The following USP6 variants were observed in gnomAD, a reference collection of about 807,000 sequenced individuals.
The protein encoded by USP6 is ubiquitin specific peptidase 6, also known as ubiquitin carboxyl-terminal hydrolase 6.
Under a neutral mutation model 175.7 loss-of-function variants are expected in USP6, and 128 were observed. The observed-to-expected ratio is 0.73, with a 90% CI of 0.63 to 0.84. The LOEUF is 0.84. Ranked by LOEUF, USP6 falls within the 40% of genes least tolerant of loss-of-function variation. The probability of loss-of-function intolerance (pLI) is 0.00; values close to 1 mark genes in which losing one functional copy is unlikely to be tolerated. For missense variants in USP6, 1,498 were observed against 1,760.3 expected (o/e 0.85, Z 2.67); for synonymous variants, 562 against 630.6 (o/e 0.89, Z 1.63).
Position 5,142,410 on chromosome 17 carries a change from G to T in USP6, c.1726G>T (p.Gly576Cys). 1 of 1,613,334 alleles carries T rather than the reference G, an allele frequency of 6.2e-7. No homozygotes were observed. Among genetic ancestry groups the T allele is most frequent in the South Asian group, 1.1e-5 (1 of 90,922 alleles). Residue 576 changes from glycine to cysteine, a missense_variant, in exon 25 of 38, where the codon GGT (glycine) becomes TGT (cysteine). Gly to Cys is a radical substitution (Grantham distance 159). Around this residue, in one of 2 missense-constraint regions of USP6, gnomAD observed 1,217 missense variants for 1,500.8 expected, o/e 0.81. Transcript: ENST00000574788. ...LYELNRTNPI[G>C]MKGHMAKCYG... Reference sequence around the variant, plus strand: ...TCAAACTTCTAGGACAAATCCCATTGGTATGAAGGGGCATATGGCTAAATG... The same window carrying T: ...TCAAACTTCTAGGACAAATCCCATTTGTATGAAGGGGCATATGGCTAAATG...
At chr17:5,136,920 C>T (rs1001389929) in intron 18 of USP6, among the ~76,000 whole-genome samples, 186 bp downstream of exon 18, 1 of 152,248 alleles carries the variant, frequency 6.6e-6, no homozygotes, top group African/African-American at 2.4e-5. Flanking sequence ...GAGACAGAGG[C>T]ACAGGGATGG....
chr17:5,124,400 C>G (rs1597969509), intron 4 of USP6, among the ~76,000 whole-genome samples, 166 bp from the exon 5 acceptor site: 1 of 152,210 alleles, frequency 6.6e-6, no homozygotes, highest in Admixed American at 6.5e-5. Context: ...TTTCCAGAAA[C>G]AGAACTCGGT....
chr17:5,171,078 G>A (rs2074207037), intron 36 of USP6, among the ~76,000 whole-genome samples, 163 bp downstream of exon 36: 1 of 152,168 alleles, frequency 6.6e-6, no homozygotes, highest in Admixed American at 6.5e-5. Context: ...ATGTGGTGTG[G>A]TGGCTCACAC....
intron 3 of USP6, among the ~76,000 whole-genome samples, chr17:5,121,123 A>G (rs1220489291): frequency 2.0e-5 from 3 of 152,202 alleles, no homozygotes; most frequent in African/African-American, 7.2e-5. Flanking sequence ...AGGGACAGCA[A>G]TAGGTGCAAA....
In USP6 at chr17:5,132,322, T is replaced by A; in HGVS notation, c.156-74T>A. On this transcript the variant is annotated intron_variant, in intron 11 of 37. Transcript: ENST00000574788. The surrounding 1 kb of genome is among the most constrained non-coding windows in gnomAD (Gnocchi z 4.7). ...GGATAGGGACAGAGCCAGTCCTTTCTGGGGGTCGGCTCCCAGGCTTGGGCG... is the reference window on the plus strand; with the variant it reads ...GGATAGGGACAGAGCCAGTCCTTTCAGGGGGTCGGCTCCCAGGCTTGGGCG... 1 of 1,611,688 alleles carries A rather than the reference T, an allele frequency of 6.2e-7. No individual in the cohort carries two copies. Among genetic ancestry groups the A allele is most frequent in the Admixed American group, 1.7e-5 (1 of 60,006 alleles).
At chr17:5,148,867 CTT>C (rs1421536273) in intron 30 of USP6, 100 bp downstream of exon 30, 14 of 1,494,184 alleles carry the variant, frequency 9.4e-6, no homozygotes, top group East Asian at 7.2e-5. Flanking sequence ...ATTTTCTTCT[CTT>C]TTTTCTTTAA....
chr17:5,121,176 T>C lies in USP6; in HGVS notation c.-1674-199T>C, dbSNP rs369930893. 1.8e-4 allele frequency among the ~76,000 whole-genome samples: 27 copies of C among 152,216 alleles called. No individual in the cohort carries two copies. In the East Asian group the frequency reaches 4.3e-3, roughly 24 times the overall value. ...CTGTCTTTGAGGTGCCGCAGTTCGG[T>C]AGGGGTAAGAAATGCAAACAACCGC... On this transcript the variant is annotated intron_variant, in intron 3 of 37. Coordinates refer to ENST00000574788, the MANE Select transcript of USP6 (RefSeq NM_001304284.2).
At position 5,174,291 on chromosome 17, in the gene USP6, AT is replaced by A; in HGVS notation, c.*1318del. 5.3e-6 allele frequency: 1 copy of A among 188,948 alleles called. No homozygotes were observed. Among genetic ancestry groups the A allele is most frequent in the Admixed American group, 6.2e-5 (1 of 16,188 alleles). The allele number at this position is 188,948 out of a possible 1,614,324, so 11.7% of individuals were successfully genotyped here. A position where few individuals can be genotyped will look rare whatever the true frequency, so the allele number is the denominator to read the frequency against. On this transcript the variant is annotated 3_prime_UTR_variant, in exon 38 of 38. Transcript: ENST00000574788. Reference sequence around the variant, plus strand: ...ATACTTGAAGGAAATGTTTCACCTTATTTTTGGTCTTTGTTTATTCATTTAG... The same window carrying A: ...ATACTTGAAGGAAATGTTTCACCTTATTTTGGTCTTTGTTTATTCATTTAG...
rs750358833 is a variant in USP6 at position 5,168,764 on chromosome 17, C to T, written c.3229-3C>T. 2 of 1,558,628 alleles carry T rather than the reference C, an allele frequency of 1.3e-6. No individual in the cohort carries two copies. Among genetic ancestry groups the T allele is most frequent in the East Asian group, 2.3e-5 (1 of 44,328 alleles). On this transcript the variant is annotated splice_polypyrimidine_tract_variant and splice_region_variant and intron_variant, in intron 34 of 37. Coordinates refer to ENST00000574788, the MANE Select transcript of USP6 (RefSeq NM_001304284.2). ...GCGATGTTTTCTACCTTTACTTCTC[C>T]AGATTATTCACCTTAAGCGATTTCA...
At chr17:5,157,843 A>G (rs2073917257) in intron 31 of USP6, among the ~76,000 whole-genome samples, 1 of 151,810 alleles carries the variant, frequency 6.6e-6, no homozygotes, top group African/African-American at 2.4e-5. Flanking sequence ...GTTGGCCAGG[A>G]TGGTTTCGAT....
At position 5,132,745 on chromosome 17, in the gene USP6, C is replaced by G. The variant is rs2073114064; in HGVS notation, c.196-165C>G. On this transcript the variant is annotated intron_variant, in intron 12 of 37. Coordinates refer to ENST00000574788, the MANE Select transcript of USP6 (RefSeq NM_001304284.2). The surrounding 1 kb of genome is among the most constrained non-coding windows in gnomAD (Gnocchi z 4.7). ...CATGTCCCGGGGTCCCAAAGCCAGC[C>G]CATTGGTGCTCATTTGCTCAAAGGC... is the stretch of plus-strand genomic sequence containing the variant. 6.6e-6 allele frequency among the ~76,000 whole-genome samples: 1 copy of G among 152,068 alleles called. No individual in the cohort carries two copies. Among genetic ancestry groups the G allele is most frequent in the South Asian group, 2.1e-4 (1 of 4,820 alleles).
At chr17:5,122,629 G>A (rs531496044) in intron 4 of USP6, among the ~76,000 whole-genome samples, 1 of 152,122 alleles carries the variant, frequency 6.6e-6, no homozygotes, top group African/African-American at 2.4e-5. Flanking sequence ...CTCCCGGAAC[G>A]GCCGGCTGCA....
intron 1 of USP6, among the ~76,000 whole-genome samples, chr17:5,117,248 G>T (rs934476587): frequency 3.5e-4 from 54 of 152,152 alleles, no homozygotes; most frequent in African/African-American, 1.3e-3. Context: ...CTGGGCGAGG[G>T]GGCTCAAGCC....
chr17:5,172,174 CAAA>C (rs539259328), intron 37 of USP6, among the ~76,000 whole-genome samples: 10 of 99,896 alleles, frequency 1.0e-4, no homozygotes, highest in Admixed American at 1.1e-4. Flanking sequence ...GGCTCTGTCT[CAAA>C]AAAAAAAAAA....
rs765980586 is a variant in USP6 at position 5,139,302 on chromosome 17, C to A, written c.1126C>A (p.Arg376Ser). The A allele has an allele frequency of 6.2e-7, 1 of 1,608,442 alleles. No individual in the cohort carries two copies. Among genetic ancestry groups the A allele is most frequent in the Non-Finnish European group, 8.5e-7 (1 of 1,180,026 alleles). The change falls in exon 22 of 38, where the codon CGT (arginine) becomes AGT (serine). Residue 376 changes from arginine to serine, a missense_variant. Physicochemically the swap from Arg to Ser is moderately radical, Grantham distance 110. Transcript: ENST00000574788. Reference protein sequence around the residue: ...SLAPRPVPASRGGKTLCKGYR... With the variant: ...SLAPRPVPASSGGKTLCKGYR... ...GGCACCCAGGCCTGTGCCGGCTTCA[C>A]GTGGTGGGAAGACCCTCTGCAAGGG...
intron 25 of USP6, among the ~76,000 whole-genome samples, chr17:5,143,049 C>T (rs887230719): frequency 5.9e-5 from 9 of 151,866 alleles, no homozygotes; most frequent in African/African-American, 1.7e-4. Flanking sequence ...ATCAGCCCCC[C>T]GCCCAGCCAG....
chr17:5,116,194 G>A lies in USP6; in HGVS notation c.-2474G>A, dbSNP rs1190057413. On this transcript the variant is annotated 5_prime_UTR_variant, in exon 1 of 38. Coordinates refer to ENST00000574788, the MANE Select transcript of USP6 (RefSeq NM_001304284.2). ...CCCCGCTCCAACTAGCAGTCAGGAGGGGCCGCGGGCAGCGCTCGAGACGCT... is the reference window on the plus strand; with the variant it reads ...CCCCGCTCCAACTAGCAGTCAGGAGAGGCCGCGGGCAGCGCTCGAGACGCT... 6.9e-6 allele frequency among the ~76,000 whole-genome samples: 1 copy of A among 145,102 alleles called. No individual in the cohort carries two copies. The highest frequency in any genetic ancestry group is 1.6e-5 in the Non-Finnish European group (1 of 63,332).
intron 21 of USP6, chr17:5,138,838 AG>A (rs2073346098): frequency 5.7e-6 from 3 of 526,484 alleles, no homozygotes; most frequent in Non-Finnish European, 9.9e-6. Flanking sequence ...TGGGCAGCCC[AG>A]GGGGGCAGAG....
At position 5,135,280 on chromosome 17, in the gene USP6, C is replaced by A; in HGVS notation, c.541C>A (p.Pro181Thr). ...CCTCCTGGCCTATTCGGAGTATAAC[C>A]CGGTGAGTATTCCCGGCAGTGAGGT... ...YILLAYSEYN[P>T]EVGYCRDLSH... Residue 181 changes from proline (P) to threonine (T), a missense_variant and splice_region_variant, in exon 16 of 38, where the codon CCG becomes ACG. Physicochemically the swap from Pro to Thr is conservative, Grantham distance 38. Around this residue, in one of 2 missense-constraint regions of USP6, gnomAD observed 281 missense variants for 259.6 expected, o/e 1.08. Transcript: ENST00000574788. 6.2e-7 allele frequency: 1 copy of A among 1,612,718 alleles called. No individual in the cohort carries two copies. The highest frequency in any genetic ancestry group is 8.5e-7 in the Non-Finnish European group (1 of 1,179,052).
Sources: allele counts gnomAD v4.1 joint callset (sites outside exome capture counted in the v4.1 genomes callset), GRCh38; gene constraint gnomAD v4.1.1; regional missense constraint gnomAD v4.1.1; non-coding constraint Gnocchi (gnomAD v3.1); transcripts MANE v1.5; gene names NCBI Gene and HGNC (gene_info 2026-07-23, HGNC 2026-07-21).